Variants in CDC42EP4 observed in about 807,000 individuals in gnomAD.
CDC42EP4 encodes CDC42 effector protein 4.
Under a neutral mutation model 5.6 loss-of-function variants are expected in CDC42EP4, and 6 were observed. That is an observed-to-expected ratio of 1.07 (90% confidence interval 0.59 to 2.12). The LOEUF is 2.12. Ranked by LOEUF, CDC42EP4 falls within the 30% of genes most tolerant of loss-of-function variation. The pLI is 0.00. For missense variants in CDC42EP4, 490 were observed against 508.6 expected (o/e 0.96, Z 0.35); for synonymous variants, 230 against 224.2 (o/e 1.03, Z -0.23).
chr17:73,287,802 G>A (rs2062141789), intron 1 of CDC42EP4, among the ~76,000 whole-genome samples: 1 of 152,084 alleles, frequency 6.6e-6, no homozygotes. Context: ...GATGCTGGGT[G>A]CTTCCTCCGC....
intron 1 of CDC42EP4, among the ~76,000 whole-genome samples, chr17:73,302,407 T>G (rs1322248926): frequency 6.6e-6 from 1 of 152,196 alleles, no homozygotes; most frequent in Admixed American, 6.5e-5. Flanking sequence ...CGGCATCTAA[T>G]CCAGCAGCCA....
At chr17:73,310,169 G>T (rs1369324390) in intron 1 of CDC42EP4, 1 of 152,354 alleles carries the variant, frequency 6.6e-6, no homozygotes, top group Non-Finnish European at 1.5e-5. Flanking sequence ...GAAATCCGCA[G>T]CTCAGCAATC....
intron 1 of CDC42EP4, among the ~76,000 whole-genome samples, chr17:73,301,814 C>G (rs760585772): frequency 2.7e-5 from 4 of 150,212 alleles, no homozygotes; most frequent in Non-Finnish European, 5.9e-5. Context: ...TCAAGCGATT[C>G]TTGTGGCTCA....
At chr17:73,303,256 T>C (rs940768149) in intron 1 of CDC42EP4, among the ~76,000 whole-genome samples, 4 of 152,036 alleles carry the variant, frequency 2.6e-5, no homozygotes, top group Non-Finnish European at 5.9e-5. Flanking sequence ...GGCAGGAGAA[T>C]GGCTTGAACC....
intron 1 of CDC42EP4, among the ~76,000 whole-genome samples, chr17:73,303,873 T>C (rs140162699): frequency 6.6e-6 from 1 of 152,296 alleles, no homozygotes; most frequent in East Asian, 1.9e-4. Context: ...TTACAGTTTA[T>C]GGGAAAATGA....
At chr17:73,299,876 A>G (rs1020141432) in intron 1 of CDC42EP4, among the ~76,000 whole-genome samples, 1 of 152,102 alleles carries the variant, frequency 6.6e-6, no homozygotes, top group African/African-American at 2.4e-5. Flanking sequence ...TCTCTTACCC[A>G]GGAGCCCATT....
chr17:73,290,776 G>A (rs1024861822), intron 1 of CDC42EP4, among the ~76,000 whole-genome samples: 1 of 152,200 alleles, frequency 6.6e-6, no homozygotes, highest in African/African-American at 2.4e-5. Flanking sequence ...GCTGCGTTAA[G>A]GGTTTCAACG....
In CDC42EP4 at chr17:73,285,393, G is replaced by T; in HGVS notation, c.*37C>A. 4 of 1,486,368 alleles carry T rather than the reference G, an allele frequency of 2.7e-6. No homozygotes were observed. The highest frequency in any genetic ancestry group is 3.6e-6 in the Non-Finnish European group (4 of 1,097,052). 92.1% of individuals were successfully genotyped at this position (1,486,368 alleles called of 1,614,324 possible). A position where few individuals can be genotyped will look rare whatever the true frequency, so the allele number is the denominator to read the frequency against. On this transcript the variant is annotated 3_prime_UTR_variant, in exon 2 of 2. Coordinates refer to ENST00000335793, the MANE Select transcript of CDC42EP4 (RefSeq NM_012121.5). This position sits in a 1 kb window ranked among gnomAD's most constrained non-coding sequence, Gnocchi z 6.8. ...AGTGGGGTGGGGGCAGGGAGAAGAT[G>T]CAGCCAAGAGCTCCCGGTGGCCACC...
intron 1 of CDC42EP4, chr17:73,310,956 G>C (rs1256186892): frequency 6.6e-6 from 1 of 152,236 alleles, no homozygotes; most frequent in Non-Finnish European, 1.5e-5. Flanking sequence ...TGTAACCCCG[G>C]CTGGGGGCGC....
intron 1 of CDC42EP4, chr17:73,311,168 C>T (rs2062272996): frequency 1.3e-5 from 2 of 152,192 alleles, no homozygotes; most frequent in Admixed American, 1.3e-4. Flanking sequence ...CGCCAGGAGG[C>T]GCCTCGGCCT....
intron 1 of CDC42EP4, among the ~76,000 whole-genome samples, chr17:73,296,707 G>A (rs1175815094): frequency 1.3e-5 from 2 of 151,590 alleles, no homozygotes; most frequent in African/African-American, 4.9e-5. Flanking sequence ...ACACGGCTGG[G>A]CACGGTGGCT....
chr17:73,310,740 C>G (rs1254133461), intron 1 of CDC42EP4: 1 of 139,602 alleles, frequency 7.2e-6, no homozygotes, highest in Non-Finnish European at 1.5e-5. Context: ...ACCCCTCCCC[C>G]AGTCACACAC....
In CDC42EP4 at chr17:73,285,438, G is replaced by A. The variant is rs759359075; in HGVS notation, c.1063C>T (p.Arg355Cys). The A allele has an allele frequency of 1.4e-5, 22 of 1,549,394 alleles. No individual in the cohort carries two copies. The East Asian group carries it at 1.8e-4, about 13-fold the overall frequency. Residue 355 changes from arginine to cysteine, a missense_variant, in exon 2 of 2, where the codon CGT becomes TGT. Arg to Cys is a radical substitution (Grantham distance 180). Coordinates refer to ENST00000335793, the MANE Select transcript of CDC42EP4 (RefSeq NM_012121.5). The surrounding 1 kb of genome is among the most constrained non-coding windows in gnomAD (Gnocchi z 6.8). ...GCCACCCACTGTCCGCCTCACACAC[G>A]GATTTCATCCTCCTCCTCCTCATCC... ...FMDEEEEDEI[R>C]V is the part of the protein sequence containing the mutation.
rs73996151 is a variant in CDC42EP4 at position 73,304,184 on chromosome 17, G to A, written c.-113+7709C>T. 8.1e-3 allele frequency among the ~76,000 whole-genome samples: 1,229 copies of A among 152,152 alleles called. 18 individuals carry two copies. The highest frequency in any genetic ancestry group is 0.028 in the African/African-American group (1,144 of 41,490). The stretch of plus-strand genomic sequence containing the variant: ...GGGCCACATGTCATGGAGAAAATAC[G>A]AGAAAGAACTAAGATTTGTTGAGCT... On this transcript the variant is annotated intron_variant, in intron 1 of 1. Coordinates refer to ENST00000335793, the MANE Select transcript of CDC42EP4 (RefSeq NM_012121.5).
At position 73,285,249 on chromosome 17, in the gene CDC42EP4, GC is replaced by G; in HGVS notation, c.*180del. ...AGGCAGCCAGTCGGCACCCATGCCA[GC>G]CCCCTACGTCCTCCGAAGACCCGAG... On this transcript the variant is annotated 3_prime_UTR_variant, in exon 2 of 2. Transcript: ENST00000335793. This position sits in a 1 kb window ranked among gnomAD's most constrained non-coding sequence, Gnocchi z 6.8. 1 of 490,232 alleles carries G rather than the reference GC, an allele frequency of 2.0e-6. No homozygotes were observed. Among genetic ancestry groups the G allele is most frequent in the South Asian group, 4.4e-5 (1 of 22,588 alleles). 30.4% of individuals were successfully genotyped at this position (490,232 alleles called of 1,614,324 possible). A position where few individuals can be genotyped will look rare whatever the true frequency, so the allele number is the denominator to read the frequency against.
chr17:73,303,071 C>A (rs899135289), intron 1 of CDC42EP4, among the ~76,000 whole-genome samples: 11 of 140,060 alleles, frequency 7.9e-5, no homozygotes, highest in African/African-American at 3.1e-4. Flanking sequence ...TGGCCAGGCG[C>A]GGTGGCTCAC....
At position 73,285,968 on chromosome 17, in the gene CDC42EP4, A is replaced by G; in HGVS notation, c.533T>C (p.Leu178Pro). ...ATCCCCAAAGGCCTGCTCATCGAGGAGGGGGTCAGGGGAATGTGGACCCGC... is the reference window on the plus strand; with the variant it reads ...ATCCCCAAAGGCCTGCTCATCGAGGGGGGGGTCAGGGGAATGTGGACCCGC... ...GAAGPHSPDP[L>P]LDEQAFGDLT... Residue 178 changes from leucine to proline, a missense_variant, in exon 2 of 2, where the codon CTC (leucine) becomes CCC (proline). By Grantham distance (98) the Leu-to-Pro change is moderately conservative. Transcript: ENST00000335793. The surrounding 1 kb of genome is among the most constrained non-coding windows in gnomAD (Gnocchi z 6.8). 1 of 1,613,468 alleles carries G rather than the reference A, an allele frequency of 6.2e-7. No homozygotes were observed. Among genetic ancestry groups the G allele is most frequent in the Non-Finnish European group, 8.5e-7 (1 of 1,179,828 alleles).
chr17:73,293,842 G>A lies in CDC42EP4; in HGVS notation c.-112-7230C>T, dbSNP rs545840900. Among the ~76,000 whole-genome samples the A allele has an allele frequency of 1.8e-4, 27 of 152,320 alleles. No homozygotes were observed. The East Asian group carries it at 2.7e-3, about 15-fold the overall frequency. The stretch of plus-strand genomic sequence containing the variant: ...TGAGGGCAGCTAAGTGAATGGGCGA[G>A]AACAGTGACCGCTTAGATACACGTG... On this transcript the variant is annotated intron_variant, in intron 1 of 1. Coordinates refer to ENST00000335793, the MANE Select transcript of CDC42EP4 (RefSeq NM_012121.5).
chr17:73,297,166 C>CGG (rs1422585335), intron 1 of CDC42EP4, among the ~76,000 whole-genome samples: 10 of 146,860 alleles, frequency 6.8e-5, no homozygotes, highest in Non-Finnish European at 1.0e-4. Context: ...TGGTGGCAGG[C>CGG]GCCTGTAATC....
Sources: gnomAD v4.1 joint callset for allele counts (sites outside exome capture counted in the v4.1 genomes callset) on GRCh38, gnomAD v4.1.1 for gene constraint, Gnocchi (gnomAD v3.1) non-coding constraint, MANE v1.5 for transcripts, NCBI Gene and HGNC (gene_info 2026-07-23, HGNC 2026-07-21) for gene names.